Variants in SCMH1 observed in about 807,000 individuals in gnomAD.
SCMH1 encodes the protein polycomb protein SCMH1.
Under a neutral mutation model 70.8 loss-of-function variants are expected in SCMH1, and 37 were observed. The ratio of observed to expected loss-of-function variants is 0.52; its 90% CI spans 0.40 to 0.69. The LOEUF is 0.69. Ranked by LOEUF, SCMH1 falls within the 30% of genes least tolerant of loss-of-function variation. The pLI is 0.00. For missense variants in SCMH1, 607 were observed against 827.3 expected (o/e 0.73, Z 3.27); for synonymous variants, 292 against 307.4 (o/e 0.95, Z 0.52).
chr1:41,234,561 G>GCCTCCCA (rs1661966221), intron 1 of SCMH1, among the ~76,000 whole-genome samples: 1 of 135,234 alleles, frequency 7.4e-6, no homozygotes, highest in Admixed American at 8.3e-5. Context: ...TCCGCCTCCC[G>GCCTCCCA]CCTCCCACGT....
intron 2 of SCMH1, among the ~76,000 whole-genome samples, chr1:41,182,114 C>T (rs1369297926): frequency 1.3e-5 from 2 of 152,128 alleles, no homozygotes; most frequent in Non-Finnish European, 2.9e-5. Flanking sequence ...AAACCAAACA[C>T]CGCATGTTCT....
chr1:41,131,449 C>T (rs2148075660), intron 6 of SCMH1, among the ~76,000 whole-genome samples: 1 of 152,322 alleles, frequency 6.6e-6, no homozygotes, highest in East Asian at 1.9e-4. Flanking sequence ...AGGGACTGCA[C>T]TGCATCTATA....
At chr1:41,030,232 A>C (rs1644332215) in intron 13 of SCMH1, among the ~76,000 whole-genome samples, 2 of 152,018 alleles carry the variant, frequency 1.3e-5, no homozygotes, top group South Asian at 2.1e-4. Context: ...AAAAACAAAA[A>C]CAAAAAGAGC....
At chr1:41,228,642 G>A (rs1023911103) in intron 1 of SCMH1, among the ~76,000 whole-genome samples, 2 of 151,748 alleles carry the variant, frequency 1.3e-5, no homozygotes, top group African/African-American at 4.8e-5. Context: ...AAAATTAGCT[G>A]GGTGTGATGG....
intron 4 of SCMH1, among the ~76,000 whole-genome samples, chr1:41,153,112 T>C (rs1294010253): frequency 6.6e-6 from 1 of 152,206 alleles, no homozygotes; most frequent in Non-Finnish European, 1.5e-5. Flanking sequence ...AACATTACAA[T>C]TTATTATTCC....
At chr1:41,087,301 A>G (rs979655029) in intron 8 of SCMH1, among the ~76,000 whole-genome samples, 58 of 152,164 alleles carry the variant, frequency 3.8e-4, no homozygotes, top group Non-Finnish European at 2.4e-4. Context: ...GTGAATTCCT[A>G]TAATGAAAGG....
chr1:41,072,044 A>G (rs1245365850), intron 9 of SCMH1, among the ~76,000 whole-genome samples: 2 of 152,210 alleles, frequency 1.3e-5, no homozygotes, highest in Non-Finnish European at 2.9e-5. Context: ...TCATGTAGGG[A>G]TAACTGCTGG....
chr1:41,200,211 CTCA>C (rs1653984929), intron 1 of SCMH1, among the ~76,000 whole-genome samples: 1 of 152,098 alleles, frequency 6.6e-6, no homozygotes, highest in African/African-American at 2.4e-5. Flanking sequence ...GGTGCAGTGG[CTCA>C]TGCCTGTAAT....
At chr1:41,034,519 G>A (rs1382198128) in intron 13 of SCMH1, among the ~76,000 whole-genome samples, 1 of 152,082 alleles carries the variant, frequency 6.6e-6, no homozygotes, top group East Asian at 1.9e-4. Context: ...AATAGAGACA[G>A]GGTTTCACCA....
intron 1 of SCMH1, among the ~76,000 whole-genome samples, chr1:41,213,304 T>C (rs932282313): frequency 2.6e-5 from 4 of 152,222 alleles, no homozygotes; most frequent in Non-Finnish European, 5.9e-5. Context: ...AAAATTTAGC[T>C]TGTGGCTATA....
At chr1:41,213,876 T>C (rs570891248) in intron 1 of SCMH1, among the ~76,000 whole-genome samples, 11 of 148,446 alleles carry the variant, frequency 7.4e-5, no homozygotes, top group African/African-American at 2.7e-4. Flanking sequence ...TCCCCTATAA[T>C]TGCTTACATT....
chr1:41,217,098 A>C (rs937277963), intron 1 of SCMH1, among the ~76,000 whole-genome samples: 1 of 152,216 alleles, frequency 6.6e-6, no homozygotes, highest in African/African-American at 2.4e-5. Flanking sequence ...TTGATAGAAA[A>C]AGTCTAAATT....
chr1:41,186,831 C>T (rs1650343418), intron 1 of SCMH1, among the ~76,000 whole-genome samples: 1 of 152,182 alleles, frequency 6.6e-6, no homozygotes, highest in Non-Finnish European at 1.5e-5. Flanking sequence ...AGAAAGACCT[C>T]ATCTCTAGCC....
At chr1:41,177,784 G>C (rs1487791229) in intron 2 of SCMH1, among the ~76,000 whole-genome samples, 1 of 152,184 alleles carries the variant, frequency 6.6e-6, no homozygotes, top group Non-Finnish European at 1.5e-5. Context: ...AAAAGTGATG[G>C]GGAGAATGGA....
At chr1:41,052,211 C>G (rs2148724968) in intron 10 of SCMH1, among the ~76,000 whole-genome samples, 1 of 152,262 alleles carries the variant, frequency 6.6e-6, no homozygotes, top group East Asian at 1.9e-4. Flanking sequence ...GGCTGAAGAC[C>G]AATACGGGGG....
chr1:41,231,617 C>T (rs1054079059), intron 1 of SCMH1, among the ~76,000 whole-genome samples: 2 of 152,214 alleles, frequency 1.3e-5, no homozygotes, highest in Admixed American at 1.3e-4. Flanking sequence ...AGGACCCCAT[C>T]CAGTATACCA....
rs1218706920 is a variant in SCMH1 at position 41,242,063 on chromosome 1, G to A, written c.-122C>T. 2 of 152,322 alleles carry A rather than the reference G, an allele frequency of 1.3e-5. No homozygotes were observed. The highest frequency in any genetic ancestry group is 1.3e-4 in the Admixed American group (2 of 15,214). The allele number at this position is 152,322 out of a possible 1,614,324, so 9.4% of individuals were successfully genotyped here. A position where few individuals can be genotyped will look rare whatever the true frequency, so the allele number is the denominator to read the frequency against. The stretch of plus-strand genomic sequence containing the variant: ...AGGCGGCCGCGAGGCGCTTACCTGA[G>A]GGCGCGGCGGGGGCGCGGGGCGGCT... On this transcript the variant is annotated 5_prime_UTR_variant, in exon 1 of 15. Coordinates refer to ENST00000337495, the Ensembl canonical transcript of SCMH1. The surrounding 1 kb of genome is among the most constrained non-coding windows in gnomAD (Gnocchi z 5.2).
chr1:41,077,150 G>C (rs1276992905), intron 8 of SCMH1, among the ~76,000 whole-genome samples: 1 of 152,084 alleles, frequency 6.6e-6, no homozygotes, highest in African/African-American at 2.4e-5. Context: ...GCTGTCATGA[G>C]GAAGACACCA....
intron 3 of SCMH1, 44 bp from the exon 4 acceptor site, chr1:41,160,942 C>T (rs1557699335): frequency 6.6e-7 from 1 of 1,525,870 alleles, no homozygotes; most frequent in Non-Finnish European, 8.9e-7. Context: ...TTAAGACAAA[C>T]ATACCAACAT....
Sources: allele counts gnomAD v4.1 joint callset (sites outside exome capture counted in the v4.1 genomes callset), GRCh38; gene constraint gnomAD v4.1.1; non-coding constraint Gnocchi (gnomAD v3.1); transcripts MANE v1.5; gene names NCBI Gene and HGNC (gene_info 2026-07-23, HGNC 2026-07-21).